Variants in PPP2R3B observed in about 807,000 individuals in gnomAD.
PPP2R3B encodes the protein protein phosphatase 2 regulatory subunit B''beta, also known as serine/threonine-protein phosphatase 2A regulatory subunit B'' subunit beta.
PPP2R3B carries 68 observed loss-of-function variants against 72.9 expected under a neutral mutation model. The observed-to-expected ratio is 0.93, with a 90% confidence interval of 0.77 to 1.14. The LOEUF (loss-of-function observed/expected upper bound fraction) is 1.14. Ranked by LOEUF, PPP2R3B falls within the 50% of genes most tolerant of loss-of-function variation. The probability of loss-of-function intolerance (pLI) is 0.00; values close to 1 mark genes in which losing one functional copy is unlikely to be tolerated. For missense variants in PPP2R3B, 1,018 were observed against 842.0 expected (o/e 1.21, Z -2.59); for synonymous variants, 466 against 375.8 (o/e 1.24, Z -2.78).
chrX:339,111 G>A (rs139911584), intron 10 of PPP2R3B, among the ~76,000 whole-genome samples: 1,518 of 148,926 alleles, frequency 0.01, 33 homozygotes, highest in African/African-American at 0.035. Context: ...GGCGACTAGG[G>A]GCCACCGGTG....
At position 341,927 on chromosome X, in the gene PPP2R3B, A is replaced by G. The variant is rs1244539709; in HGVS notation, c.1041T>C (p.Leu347=). ...AGATCCTGTCTATCATCTTGGTAGA[A>G]AGGGCTGGAAAGGAATGCGGTTGAT... ...DDLARHNDHA[L]STKMIDRIFS... is the part of the protein sequence containing the mutation. The change falls in exon 8 of 13, where the codon CTT becomes CTC. Residue 347 remains leucine, a synonymous_variant. Transcript: ENST00000390665. 9.3e-6 allele frequency: 15 copies of G among 1,612,694 alleles called. No individual in the cohort carries two copies. The highest frequency in any genetic ancestry group is 1.3e-5 in the Non-Finnish European group (15 of 1,179,748).
chrX:380,234 C>A (rs2072092955), intron 1 of PPP2R3B, among the ~76,000 whole-genome samples: 1 of 152,148 alleles, frequency 6.6e-6, no homozygotes, highest in Non-Finnish European at 1.5e-5. Flanking sequence ...AAAAACTAAA[C>A]ACTTTTGCTC....
intron 2 of PPP2R3B, among the ~76,000 whole-genome samples, chrX:355,119 C>T (rs1049285273): frequency 4.4e-5 from 6 of 137,408 alleles, no homozygotes; most frequent in Non-Finnish European, 7.8e-5. Flanking sequence ...GAGACTCTGC[C>T]GGACTTAAAG....
rs772929505 is a variant in PPP2R3B, at chrX:334,444, A to G, written c.1651T>C (p.Phe551Leu). 3.8e-6 allele frequency: 6 copies of G among 1,595,706 alleles called. No individual in the cohort carries two copies. Among genetic ancestry groups the G allele is most frequent in the African/African-American group, 2.7e-5 (2 of 73,838 alleles). ...GCGCCCAGCGGTGAGGGCGCCTCGA[A>G]GAAGGGCCTCTGGGCCAGCGGGGAG... ...LRSPLAQRPF[F>L]EAPSPLGAVD... The change falls in exon 13 of 13, where the codon TTC becomes CTC. Residue 551 changes from phenylalanine to leucine, a missense_variant. Transcript: ENST00000390665.
chrX:346,285 G>GGGT (rs1360525918), intron 5 of PPP2R3B, 25 bp from the exon 6 acceptor site: 45 of 1,548,730 alleles, frequency 2.9e-5, no homozygotes, highest in Non-Finnish European at 3.9e-5. Flanking sequence ...TCAGTGCGGT[G>GGGT]GGTGCGCAGA....
At chrX:368,609 G>A (rs112482670) in intron 1 of PPP2R3B, among the ~76,000 whole-genome samples, 9,480 of 67,820 alleles carry the variant, frequency 0.14, 658 homozygotes, top group African/African-American at 0.17. Flanking sequence ...GGGGAAGGCC[G>A]GGACCACCCA....
intron 2 of PPP2R3B, among the ~76,000 whole-genome samples, chrX:355,615 G>A (rs1219888371): frequency 1.3e-5 from 2 of 152,132 alleles, no homozygotes; most frequent in South Asian, 2.1e-4. Context: ...CTCCACACAC[G>A]CACATGGAAC....
chrX:364,500 C>G (rs191326259), intron 1 of PPP2R3B, among the ~76,000 whole-genome samples: 1,987 of 132,088 alleles, frequency 0.015, 71 homozygotes, highest in African/African-American at 0.054. Context: ...AAAACTTCAT[C>G]TCTACTAAAA....
chrX:338,518 A>ACACCCGTCCTCCCGCT (rs1556097470), intron 12 of PPP2R3B, 86 bp downstream of exon 12: 2 of 1,238,838 alleles, frequency 1.6e-6, no homozygotes, highest in African/African-American at 3.3e-5. Flanking sequence ...GGCTGCACAC[A>ACACCCGTCCTCCCGCT]CACCCGTCCT....
chrX:338,946 G>C (rs200010988), intron 10 of PPP2R3B, 50 bp from the exon 11 acceptor site: 19 of 1,514,436 alleles, frequency 1.3e-5, no homozygotes, highest in Non-Finnish European at 1.6e-5. Context: ...TCTCACCTTC[G>C]GGGCCTGGGT....
At chrX:346,644 C>T in intron 5 of PPP2R3B, 57 bp downstream of exon 5, 1 of 1,526,412 alleles carries the variant, frequency 6.6e-7, no homozygotes, top group South Asian at 1.2e-5. Flanking sequence ...GCGGCGGCCG[C>T]TGCAGAAACA....
intron 5 of PPP2R3B, 198 bp from the exon 6 acceptor site, chrX:346,458 G>A (rs1252723138): frequency 1.6e-6 from 1 of 636,004 alleles, no homozygotes; most frequent in Non-Finnish European, 2.6e-6. Flanking sequence ...TCTGGCCGGG[G>A]ACGCCCCGGA....
At position 383,229 on chromosome X, in the gene PPP2R3B, G is replaced by A. The variant is rs1437664558; in HGVS notation, c.324+3139C>T. On this transcript the variant is annotated intron_variant, in intron 1 of 12. Coordinates refer to ENST00000390665, the MANE Select transcript of PPP2R3B (RefSeq NM_013239.5). ...AACCACCGGTAATTTAGAACGCAAG[G>A]AGCTCACCTCAGATTGCCACCCACC... Among the ~76,000 whole-genome samples the A allele has an allele frequency of 2.6e-5, 4 of 152,240 alleles. No individual in the cohort carries two copies. In the East Asian group the frequency reaches 7.7e-4, roughly 29 times the overall value.
chrX:341,078 C>A (rs1168337112), intron 9 of PPP2R3B, 138 bp from the exon 10 acceptor site: 1 of 1,303,632 alleles, frequency 7.7e-7, no homozygotes, highest in Non-Finnish European at 1.1e-6. Flanking sequence ...CAGGCATCCC[C>A]TGCCCCCTGC....
At chrX:334,871 A>G (rs187842696) in intron 12 of PPP2R3B, 37 of 248,802 alleles carry the variant, frequency 1.5e-4, no homozygotes, top group African/African-American at 6.2e-4. Flanking sequence ...CTGGAGAACA[A>G]ACAGGACCAC....
intron 2 of PPP2R3B, among the ~76,000 whole-genome samples, chrX:354,247 TGGGGGCTC>T (rs1569395741): frequency 1.7e-5 from 1 of 60,574 alleles, no homozygotes; most frequent in Non-Finnish European, 3.3e-5. Context: ...ACCCAAACAC[TGGGGGCTC>T]ACCCAAACAC....
chrX:336,894 G>A (rs976030210), intron 12 of PPP2R3B: 1 of 152,220 alleles, frequency 6.6e-6, no homozygotes, highest in Non-Finnish European at 1.5e-5. Context: ...CGGTTATGAA[G>A]GCGGCAGCTG....
chrX:386,687 G>C lies in PPP2R3B; in HGVS notation c.5C>G (p.Pro2Arg). 1 of 1,299,104 alleles carries C rather than the reference G, an allele frequency of 7.7e-7. No homozygotes were observed. The highest frequency in any genetic ancestry group is 9.7e-7 in the Non-Finnish European group (1 of 1,027,124). The allele number at this position is 1,299,104 out of a possible 1,614,324, so 80.5% of individuals were successfully genotyped here. Residue 2 changes from proline (P) to arginine (R), a missense_variant, in exon 1 of 13, where the codon CCG (proline) becomes CGG (arginine). Transcript: ENST00000390665. M[P>R]PGKVLQPVLK... is the part of the protein sequence containing the mutation. ...GACCGGCTGCAGCACTTTGCCGGGCGGCATGGCGGGGGCTGGGCCCGCGGC... is the reference window on the plus strand; with the variant it reads ...GACCGGCTGCAGCACTTTGCCGGGCCGCATGGCGGGGGCTGGGCCCGCGGC...
intron 1 of PPP2R3B, among the ~76,000 whole-genome samples, chrX:383,708 G>A (rs1359195272): frequency 6.6e-6 from 1 of 150,984 alleles, no homozygotes; most frequent in Non-Finnish European, 1.5e-5. Flanking sequence ...CGTGGTGGCG[G>A]GCGCCTGTAG....
Sources: allele counts gnomAD v4.1 joint callset (sites outside exome capture counted in the v4.1 genomes callset), GRCh38; gene constraint gnomAD v4.1.1; transcripts MANE v1.5; gene names NCBI Gene and HGNC (gene_info 2026-07-23, HGNC 2026-07-21).